PELI2: variants seen among roughly 807,000 people sequenced by gnomAD.
PELI2 encodes the protein E3 ubiquitin-protein ligase pellino homolog 2.
A neutral mutation model predicts 42.3 loss-of-function variants in PELI2; 23 were observed. The observed-to-expected ratio is 0.54, with a 90% CI of 0.39 to 0.77. PELI2 has a LOEUF of 0.77. Ranked by LOEUF, PELI2 falls within the 30% of genes least tolerant of loss-of-function variation. The pLI is 0.00. For synonymous variants in PELI2, 245 were observed against 212.2 expected, an observed-to-expected ratio of 1.15 and a Z score of -1.34; for missense variants, 463 against 553.2, an observed-to-expected ratio of 0.84 and a Z score of 1.64.
At chr14:56,148,540 T>C (rs1331079516) in intron 1 of PELI2, among the ~76,000 whole-genome samples, 3 of 152,232 alleles carry the variant, frequency 2.0e-5, no homozygotes, top group Non-Finnish European at 4.4e-5. Flanking sequence ...GATCTTGCTC[T>C]GGCTGTCTGG....
chr14:56,150,571 G>A (rs540834213), intron 1 of PELI2, among the ~76,000 whole-genome samples: 3 of 151,934 alleles, frequency 2.0e-5, no homozygotes, highest in African/African-American at 7.2e-5. Flanking sequence ...AACTAAGAAT[G>A]TTTAAGTATC....
chr14:56,284,264 A>G (rs2139883858), intron 3 of PELI2, among the ~76,000 whole-genome samples: 1 of 152,320 alleles, frequency 6.6e-6, no homozygotes, highest in South Asian at 2.1e-4. Context: ...CTTGGTCATT[A>G]TTTTCTGGAG....
At chr14:56,120,880 T>G (rs1883036008) in intron 1 of PELI2, among the ~76,000 whole-genome samples, 1 of 152,126 alleles carries the variant, frequency 6.6e-6, no homozygotes, top group African/African-American at 2.4e-5. Context: ...CTAGTCTGGT[T>G]TTTGAATACT....
At chr14:56,251,515 G>A (rs1001625414) in intron 2 of PELI2, among the ~76,000 whole-genome samples, 8 of 152,184 alleles carry the variant, frequency 5.3e-5, no homozygotes, top group East Asian at 1.9e-4. Flanking sequence ...GCAGCAGTTC[G>A]TTATTGTTAC....
intron 2 of PELI2, among the ~76,000 whole-genome samples, chr14:56,184,874 C>G (rs1885712608): frequency 6.6e-6 from 1 of 151,898 alleles, no homozygotes; most frequent in African/African-American, 2.4e-5. Context: ...ACAGATACAT[C>G]AAATAAAAAG....
rs756837864 is a variant in PELI2 at position 56,290,407 on chromosome 14, A to T, written c.647A>T (p.Asp216Val). The T allele has an allele frequency of 1.2e-6, 2 of 1,612,688 alleles. No homozygotes were observed. The highest frequency in any genetic ancestry group is 3.3e-5 in the Admixed American group (2 of 59,912). The change falls in exon 5 of 6, where the codon GAT (aspartate) becomes GTT (valine). Residue 216 changes from aspartate to valine, a missense_variant. Transcript: ENST00000267460. The part of the protein sequence containing the change: ...GVWREISVCG[D>V]VYTLRETRSA... ...TGGCGCGAGATCTCTGTCTGTGGAG[A>T]TGTGTACACCTTGCGAGAAACCAGG...
At chr14:56,203,360 G>A (rs550762094) in intron 2 of PELI2, among the ~76,000 whole-genome samples, 45 of 152,188 alleles carry the variant, frequency 3.0e-4, no homozygotes, top group Middle Eastern at 6.8e-3. Context: ...GTGAAGTATC[G>A]TAATGTCTGC....
intron 2 of PELI2, among the ~76,000 whole-genome samples, chr14:56,236,850 A>G (rs575121052): frequency 5.9e-4 from 90 of 152,338 alleles, no homozygotes; most frequent in Admixed American, 5.9e-4. Context: ...CTGGAGGTGC[A>G]TGGATCTCTC....
At chr14:56,281,267 A>G (rs999851877) in intron 3 of PELI2, among the ~76,000 whole-genome samples, 4 of 152,134 alleles carry the variant, frequency 2.6e-5, no homozygotes, top group African/African-American at 9.7e-5. Context: ...AAATAAACCT[A>G]TACTTCCAGG....
At chr14:56,208,188 A>G (rs1316344297) in intron 2 of PELI2, among the ~76,000 whole-genome samples, 1 of 152,206 alleles carries the variant, frequency 6.6e-6, no homozygotes, top group Non-Finnish European at 1.5e-5. Flanking sequence ...CTAATGGGGA[A>G]GGAATTGTCT....
At chr14:56,178,613 G>C (rs1885470555) in intron 2 of PELI2, 149 bp downstream of exon 2, 1 of 905,638 alleles carries the variant, frequency 1.1e-6, no homozygotes. Flanking sequence ...GTGAGGGGCT[G>C]TGCTGTGCAT....
Position 56,219,141 on chromosome 14 carries a change from TC to T in PELI2, c.207+40679del, listed in dbSNP as rs774669918. Among the ~76,000 whole-genome samples the T allele has an allele frequency of 2.2e-5, 3 of 138,790 alleles. No individual in the cohort carries two copies. The highest frequency in any genetic ancestry group is 4.4e-5 in the Non-Finnish European group (3 of 67,640). 91.1% of individuals were successfully genotyped at this position (138,790 alleles called of 152,430 possible). On this transcript the variant is annotated intron_variant, in intron 2 of 5. Coordinates refer to ENST00000267460, the MANE Select transcript of PELI2 (RefSeq NM_021255.3). This position sits in a 1 kb window ranked among gnomAD's most constrained non-coding sequence, Gnocchi z 4.1. Reference sequence around the variant, plus strand: ...ATTTTAAGTATCCTGGTCTCTTAATTCCTTTTTTATTTTTTTTTGGATGACT... The same window carrying T: ...ATTTTAAGTATCCTGGTCTCTTAATTCTTTTTTATTTTTTTTTGGATGACT...
intron 1 of PELI2, among the ~76,000 whole-genome samples, chr14:56,147,582 A>G (rs2139615163): frequency 6.6e-6 from 1 of 152,266 alleles, no homozygotes; most frequent in South Asian, 2.1e-4. Flanking sequence ...CTGAAGTTTA[A>G]TGTTTATATT....
intron 2 of PELI2, among the ~76,000 whole-genome samples, chr14:56,188,096 T>G (rs184995566): frequency 2.6e-4 from 40 of 152,312 alleles, no homozygotes; most frequent in Admixed American, 9.2e-4. Context: ...TGAGAAGTCT[T>G]TCTGTGAACT....
chr14:56,296,465 A>C (rs1594724357), intron 5 of PELI2, 135 bp from the exon 6 acceptor site: 4 of 616,980 alleles, frequency 6.5e-6, no homozygotes. Flanking sequence ...TTACTCCCCC[A>C]GTTCTGTTTT....
chr14:56,160,046 G>C (rs1441994368), intron 1 of PELI2, among the ~76,000 whole-genome samples: 2 of 147,554 alleles, frequency 1.4e-5, no homozygotes, highest in South Asian at 2.2e-4. Context: ...GATTTGTTTT[G>C]CATGTTCTTT....
intron 2 of PELI2, among the ~76,000 whole-genome samples, chr14:56,203,656 C>G (rs568581836): frequency 3.9e-5 from 6 of 152,174 alleles, no homozygotes; most frequent in East Asian, 1.9e-4. Context: ...ATTCATTAAC[C>G]AAAGATTTAT....
At chr14:56,295,617 T>C (rs1485101536) in intron 5 of PELI2, among the ~76,000 whole-genome samples, 1 of 152,250 alleles carries the variant, frequency 6.6e-6, no homozygotes, top group Non-Finnish European at 1.5e-5. Context: ...TACCAGACAG[T>C]GTTCTCTAAG....
At chr14:56,246,418 C>T (rs1888159879) in intron 2 of PELI2, among the ~76,000 whole-genome samples, 2 of 152,212 alleles carry the variant, frequency 1.3e-5, no homozygotes, top group Non-Finnish European at 2.9e-5. Flanking sequence ...AGCTGCTAAT[C>T]TTCCCCTAAG....
Sources: allele counts gnomAD v4.1 joint callset (sites outside exome capture counted in the v4.1 genomes callset), GRCh38; gene constraint gnomAD v4.1.1; non-coding constraint Gnocchi (gnomAD v3.1); transcripts MANE v1.5; gene names NCBI Gene and HGNC (gene_info 2026-07-23, HGNC 2026-07-21).